The following DACH1 variants were observed in gnomAD, a reference collection of about 807,000 sequenced individuals.
DACH1 encodes dachshund family transcription factor 1, also known as dachshund homolog 1.
DACH1 carries 12 observed loss-of-function variants against 54.2 expected under a neutral mutation model. That is an observed-to-expected ratio of 0.22 (90% CI 0.14 to 0.36). DACH1 has a LOEUF of 0.36. DACH1 is among the 10% of genes least tolerant of loss of function. The pLI is 1.00. For synonymous variants in DACH1, 386 were observed against 366.2 expected (o/e 1.05, Z -0.62); for missense variants, 805 against 929.8 (o/e 0.87, Z 1.75).
chr13:71,551,416 A>G (rs1883807280), intron 6 of DACH1, among the ~76,000 whole-genome samples: 1 of 152,250 alleles, frequency 6.6e-6, no homozygotes, highest in East Asian at 1.9e-4. Context: ...TATTTCATCT[A>G]TCTAACTGTG....
chr13:71,831,827 T>G (rs1186860526), intron 1 of DACH1, among the ~76,000 whole-genome samples: 1 of 151,748 alleles, frequency 6.6e-6, no homozygotes, highest in Non-Finnish European at 1.5e-5. Context: ...TAATCAAGAA[T>G]TTTTTTTGCA....
chr13:71,833,709 C>T (rs79712459), intron 1 of DACH1, among the ~76,000 whole-genome samples: 3,078 of 151,968 alleles, frequency 0.02, 48 homozygotes, highest in Non-Finnish European at 0.031. Context: ...CAGTGAGAGA[C>T]GCCACTTAAA....
At chr13:71,473,564 T>A (rs1437148799) in intron 10 of DACH1, among the ~76,000 whole-genome samples, 1 of 152,196 alleles carries the variant, frequency 6.6e-6, no homozygotes, top group Admixed American at 6.5e-5. Flanking sequence ...CATAGCCTTA[T>A]TAACAACCAA....
chr13:71,553,578 CATTTTGTATTTTTATA>C (rs1884039744), intron 6 of DACH1, among the ~76,000 whole-genome samples: 1 of 141,842 alleles, frequency 7.1e-6, no homozygotes, highest in African/African-American at 2.6e-5. Flanking sequence ...TTTGTTTTTG[CATTTTGTATTTTTATA>C]TTTTTGTATT....
intron 1 of DACH1, among the ~76,000 whole-genome samples, chr13:71,850,740 T>A (rs9572811): frequency 0.099 from 15,132 of 152,218 alleles, 1,513 homozygotes; most frequent in East Asian, 0.56. Flanking sequence ...ACAGAAGGAC[T>A]TATGGCCACT....
At chr13:71,521,411 T>G (rs1224490403) in intron 6 of DACH1, among the ~76,000 whole-genome samples, 1 of 152,068 alleles carries the variant, frequency 6.6e-6, no homozygotes, top group Non-Finnish European at 1.5e-5. Flanking sequence ...TATAAATATA[T>G]GTAGGTTTAA....
intron 1 of DACH1, among the ~76,000 whole-genome samples, chr13:71,748,735 A>G (rs1884718450): frequency 6.6e-6 from 1 of 152,212 alleles, no homozygotes; most frequent in Non-Finnish European, 1.5e-5. Context: ...AAGGATTTCA[A>G]AAACAAAAAC....
At chr13:71,601,600 C>T (rs1034129308) in intron 3 of DACH1, among the ~76,000 whole-genome samples, 3 of 151,748 alleles carry the variant, frequency 2.0e-5, no homozygotes, top group African/African-American at 2.4e-5. Flanking sequence ...AATCTCTGCC[C>T]GTCTTTTTTC....
intron 3 of DACH1, among the ~76,000 whole-genome samples, chr13:71,609,619 A>G: frequency 6.6e-6 from 1 of 151,894 alleles, no homozygotes; most frequent in Non-Finnish European, 1.5e-5. Context: ...TCCACTCCCC[A>G]GGTTCAAGTG....
At chr13:71,538,986 G>C (rs898993295) in intron 6 of DACH1, among the ~76,000 whole-genome samples, 1 of 151,846 alleles carries the variant, frequency 6.6e-6, no homozygotes, top group Non-Finnish European at 1.5e-5. Context: ...TTCATTCCTC[G>C]ATGTTGCACA....
chr13:71,621,710 C>G (rs1173176707), intron 3 of DACH1, among the ~76,000 whole-genome samples: 1 of 151,988 alleles, frequency 6.6e-6, no homozygotes, highest in Non-Finnish European at 1.5e-5. Flanking sequence ...CTTTGCTTAT[C>G]ATGCTGTGAA....
chr13:71,723,211 T>C (rs1883308522), intron 1 of DACH1, among the ~76,000 whole-genome samples: 1 of 149,680 alleles, frequency 6.7e-6, no homozygotes, highest in African/African-American at 2.5e-5. Context: ...AGAACCAGCC[T>C]GGGAAAACCA....
rs955636427 is a variant in DACH1 at position 71,438,661 on chromosome 13, T to C, written c.*1994A>G. 4 of 152,456 alleles carry C rather than the reference T, an allele frequency of 2.6e-5. No homozygotes were observed. Among genetic ancestry groups the C allele is most frequent in the Non-Finnish European group, 5.9e-5 (4 of 67,892 alleles). 9.4% of individuals were successfully genotyped at this position (152,456 alleles called of 1,614,324 possible). On this transcript the variant is annotated 3_prime_UTR_variant, in exon 11 of 11. Coordinates refer to ENST00000613252, the MANE Select transcript of DACH1 (RefSeq NM_080759.6). ...CTGATTCTACTACATATGTAAGTTG[T>C]AGGCTTTTTTAAAAATCTTTCAAAA...
chr13:71,638,499 G>C (rs1286385425), intron 2 of DACH1, among the ~76,000 whole-genome samples: 1 of 152,072 alleles, frequency 6.6e-6, no homozygotes, highest in African/African-American at 2.4e-5. Context: ...TCATATACAT[G>C]ATACATCATG....
At chr13:71,448,967 T>C (rs1217524888) in intron 10 of DACH1, among the ~76,000 whole-genome samples, 2 of 152,112 alleles carry the variant, frequency 1.3e-5, no homozygotes, top group Non-Finnish European at 2.9e-5. Context: ...TTCTAGACAA[T>C]AAGCAAAGAC....
intron 1 of DACH1, among the ~76,000 whole-genome samples, chr13:71,805,158 T>G (rs1004117957): frequency 6.6e-6 from 1 of 152,178 alleles, no homozygotes; most frequent in Admixed American, 6.6e-5. Flanking sequence ...TATCATCAGA[T>G]AGCTAGATTG....
chr13:71,847,178 A>G (rs1160440591), intron 1 of DACH1, among the ~76,000 whole-genome samples: 1 of 152,178 alleles, frequency 6.6e-6, no homozygotes, highest in Non-Finnish European at 1.5e-5. Context: ...GGAATTAGAC[A>G]TCTTGTAATA....
chr13:71,464,494 C>CATTAAAGAACTTAAATTAAAGTTT, intron 10 of DACH1: 1 of 351,168 alleles, frequency 2.8e-6, no homozygotes, highest in South Asian at 2.2e-5. Flanking sequence ...ATGAGAAGTT[C>CATTAAAGAACTTAAATTAAAGTTT]ATTAAAGAAG....
chr13:71,631,703 C>T (rs1245459754), intron 2 of DACH1, among the ~76,000 whole-genome samples: 1 of 152,154 alleles, frequency 6.6e-6, no homozygotes, highest in African/African-American at 2.4e-5. Context: ...ACACTCTGGC[C>T]TCGGAGTTGA....
Sources: gnomAD v4.1 joint callset for allele counts (sites outside exome capture counted in the v4.1 genomes callset) on GRCh38, gnomAD v4.1.1 for gene constraint, MANE v1.5 for transcripts, NCBI Gene and HGNC (gene_info 2026-07-23, HGNC 2026-07-21) for gene names.